LDLRAD3: variants seen among roughly 807,000 people sequenced by gnomAD.
The protein encoded by LDLRAD3 is low density lipoprotein receptor class A domain containing 3.
Under a neutral mutation model 29.4 loss-of-function variants are expected in LDLRAD3, and 20 were observed. That is an observed-to-expected ratio of 0.68 (90% CI 0.48 to 0.99). The LOEUF (loss-of-function observed/expected upper bound fraction) is 0.99. Ranked by LOEUF, LDLRAD3 falls within the 50% of genes least tolerant of loss-of-function variation. The probability of loss-of-function intolerance (pLI) is 0.00; values close to 1 mark genes in which losing one functional copy is unlikely to be tolerated. For synonymous variants in LDLRAD3, 157 were observed against 192.7 expected (o/e 0.81, Z 1.53); for missense variants, 420 against 454.3 (o/e 0.92, Z 0.69).
intron 4 of LDLRAD3, among the ~76,000 whole-genome samples, chr11:36,122,312 T>C (rs532693817): frequency 6.6e-6 from 1 of 152,220 alleles, no homozygotes; most frequent in Admixed American, 6.5e-5. Flanking sequence ...GTCAAGGATT[T>C]GGAGGCTCAG....
intron 4 of LDLRAD3, among the ~76,000 whole-genome samples, chr11:36,138,017 C>T (rs923872165): frequency 2.0e-5 from 3 of 152,298 alleles, no homozygotes; most frequent in Non-Finnish European, 2.9e-5. Flanking sequence ...CTGGGCCATA[C>T]GTAACTCAGG....
At chr11:36,024,341 C>T (rs77272922) in intron 1 of LDLRAD3, among the ~76,000 whole-genome samples, 17 of 151,252 alleles carry the variant, frequency 1.1e-4, no homozygotes, top group Admixed American at 9.9e-4. Context: ...TAGCTATATC[C>T]ATATCTATAT....
intron 4 of LDLRAD3, among the ~76,000 whole-genome samples, chr11:36,150,409 T>C (rs1194668182): frequency 2.0e-5 from 3 of 152,012 alleles, no homozygotes; most frequent in Non-Finnish European, 2.9e-5. Flanking sequence ...ACGCCTGTAG[T>C]CCCAGCTACC....
chr11:36,040,855 T>C (rs1852372262), intron 2 of LDLRAD3, among the ~76,000 whole-genome samples: 1 of 152,206 alleles, frequency 6.6e-6, no homozygotes, highest in South Asian at 2.1e-4. Flanking sequence ...TTAAAAAATA[T>C]TTTTCTGGTT....
intron 1 of LDLRAD3, among the ~76,000 whole-genome samples, chr11:35,945,892 G>A (rs1851050870): frequency 6.6e-6 from 1 of 152,122 alleles, no homozygotes; most frequent in South Asian, 2.1e-4. Flanking sequence ...CTGAGATAGG[G>A]CTAAAATAAA....
At chr11:36,132,135 C>G (rs1379999238) in intron 4 of LDLRAD3, among the ~76,000 whole-genome samples, 1 of 151,870 alleles carries the variant, frequency 6.6e-6, no homozygotes, top group African/African-American at 2.4e-5. Context: ...ACAGTGTGTC[C>G]CTTTGAAGTT....
At chr11:36,050,557 G>T (rs1371480751) in intron 2 of LDLRAD3, among the ~76,000 whole-genome samples, 1 of 152,176 alleles carries the variant, frequency 6.6e-6, no homozygotes, top group Non-Finnish European at 1.5e-5. Flanking sequence ...GGAGGCCACT[G>T]GCCAGTCTGA....
At chr11:35,947,345 A>G (rs924755289) in intron 1 of LDLRAD3, among the ~76,000 whole-genome samples, 7 of 152,016 alleles carry the variant, frequency 4.6e-5, no homozygotes, top group African/African-American at 1.7e-4. Context: ...CGTCGTCTCT[A>G]CTAAAAATAC....
At chr11:36,027,900 T>G (rs191961875) in intron 1 of LDLRAD3, among the ~76,000 whole-genome samples, 22 of 152,330 alleles carry the variant, frequency 1.4e-4, no homozygotes, top group Non-Finnish European at 2.8e-4. Context: ...TCCTTCAGTT[T>G]AGTGGCATGC....
intron 4 of LDLRAD3, among the ~76,000 whole-genome samples, chr11:36,219,891 C>CAT (rs1429211016): frequency 1.3e-5 from 2 of 152,064 alleles, no homozygotes; most frequent in Non-Finnish European, 2.9e-5. Context: ...AAAGATAAGC[C>CAT]ATAGACTAGG....
intron 3 of LDLRAD3, among the ~76,000 whole-genome samples, chr11:36,096,589 T>C (rs1853364843): frequency 6.6e-6 from 1 of 152,272 alleles, no homozygotes; most frequent in Non-Finnish European, 1.5e-5. Context: ...TCCCTGAGCC[T>C]GTGCTACATG....
chr11:36,019,233 C>T lies in LDLRAD3; in HGVS notation c.47-16870C>T, dbSNP rs11603979. 8.1e-3 allele frequency among the ~76,000 whole-genome samples: 1,232 copies of T among 152,202 alleles called. 15 individuals are homozygous for T. Among genetic ancestry groups the T allele is most frequent in the Middle Eastern group, 0.031 (9 of 294 alleles). Reference sequence around the variant, plus strand: ...TGGAGCCTGTTGGAGCTGATTATCGCGGGTGTTCAGTGCAAAGCTGAATCT... The same window carrying T: ...TGGAGCCTGTTGGAGCTGATTATCGTGGGTGTTCAGTGCAAAGCTGAATCT... On this transcript the variant is annotated intron_variant, in intron 1 of 5. Coordinates refer to ENST00000315571, the MANE Select transcript of LDLRAD3 (RefSeq NM_174902.4).
chr11:36,152,445 C>G (rs1854290640), intron 4 of LDLRAD3, among the ~76,000 whole-genome samples: 1 of 152,238 alleles, frequency 6.6e-6, no homozygotes, highest in Non-Finnish European at 1.5e-5. Flanking sequence ...TTAAGTCAAA[C>G]AGAGCCTTAG....
intron 1 of LDLRAD3, among the ~76,000 whole-genome samples, chr11:36,011,654 A>C (rs1303761271): frequency 6.6e-6 from 1 of 152,216 alleles, no homozygotes; most frequent in African/African-American, 2.4e-5. Flanking sequence ...CAACAGGTCT[A>C]TTCTGCTATT....
chr11:36,160,538 G>A (rs1854423805), intron 4 of LDLRAD3, among the ~76,000 whole-genome samples: 1 of 152,022 alleles, frequency 6.6e-6, no homozygotes, highest in Non-Finnish European at 1.5e-5. Context: ...TTCTTTTAAT[G>A]AGGCTCTCAG....
chr11:36,222,934 C>T (rs1452054809), intron 4 of LDLRAD3, among the ~76,000 whole-genome samples: 2 of 152,124 alleles, frequency 1.3e-5, no homozygotes, highest in Non-Finnish European at 2.9e-5. Context: ...GCGGCACGTA[C>T]AGGACAAGAA....
intron 1 of LDLRAD3, among the ~76,000 whole-genome samples, chr11:35,966,089 A>C (rs1355436672): frequency 6.6e-6 from 1 of 152,230 alleles, no homozygotes; most frequent in Non-Finnish European, 1.5e-5. Flanking sequence ...GACAAAGAAG[A>C]GTACTCTACC....
At chr11:36,062,982 G>A (rs925742338) in intron 2 of LDLRAD3, among the ~76,000 whole-genome samples, 1 of 152,206 alleles carries the variant, frequency 6.6e-6, no homozygotes, top group Non-Finnish European at 1.5e-5. Flanking sequence ...CTGGGAAAGG[G>A]CAAGGAAACG....
chr11:36,047,284 A>G (rs2133220125), intron 2 of LDLRAD3, among the ~76,000 whole-genome samples: 1 of 152,338 alleles, frequency 6.6e-6, no homozygotes, highest in South Asian at 2.1e-4. Context: ...ATCAGATATT[A>G]GGTTACTTTT....
Sources: gnomAD v4.1 joint callset for allele counts (sites outside exome capture counted in the v4.1 genomes callset) on GRCh38, gnomAD v4.1.1 for gene constraint, MANE v1.5 for transcripts, NCBI Gene and HGNC (gene_info 2026-07-23, HGNC 2026-07-21) for gene names.